Variants in GTF2E2 observed in about 807,000 individuals in gnomAD.
GTF2E2 encodes general transcription factor IIE subunit 2, also known as transcription initiation factor IIE subunit beta.
In GTF2E2, 21 loss-of-function variants were observed where a neutral mutation model predicts 40.5. The ratio of observed to expected loss-of-function variants is 0.52; its 90% CI spans 0.37 to 0.75. The LOEUF is 0.75. Ranked by LOEUF, GTF2E2 falls within the 30% of genes least tolerant of loss-of-function variation. The pLI is 0.00. For missense variants in GTF2E2, 298 were observed against 338.4 expected, an observed-to-expected ratio of 0.88 and a Z score of 0.94; for synonymous variants, 117 against 121.6, an observed-to-expected ratio of 0.96 and a Z score of 0.25.
intron 6 of GTF2E2, chr8:30,584,796 T>G (rs953592786): frequency 6.6e-6 from 1 of 152,210 alleles, no homozygotes; most frequent in Non-Finnish European, 1.5e-5. Flanking sequence ...CAGAGCCAGA[T>G]GGCCTGGCTG....
chr8:30,595,097 C>G (rs762024680), intron 6 of GTF2E2, among the ~76,000 whole-genome samples: 14 of 152,096 alleles, frequency 9.2e-5, no homozygotes, highest in Admixed American at 2.6e-4. Flanking sequence ...TGGCTTATTA[C>G]ATTTTTTTCA....
chr8:30,616,092 T>C lies in GTF2E2; in HGVS notation c.259-1377A>G, dbSNP rs542579690. Among the ~76,000 whole-genome samples the C allele has an allele frequency of 1.0e-3, 158 of 152,308 alleles. 1 individual carries two copies. The South Asian group carries it at 0.021, about 20-fold the overall frequency. On this transcript the variant is annotated intron_variant, in intron 3 of 7. Transcript: ENST00000355904. ...CAATCTGAAAAGGATACATACTGTATGGCTCCAACTGTTGACATTCCGGAA... is the reference window on the plus strand; with the variant it reads ...CAATCTGAAAAGGATACATACTGTACGGCTCCAACTGTTGACATTCCGGAA...
At position 30,640,556 on chromosome 8, in the gene GTF2E2, G is replaced by C. The variant is rs189965170; in HGVS notation, c.167-5433C>G. On this transcript the variant is annotated intron_variant, in intron 2 of 7. Transcript: ENST00000355904. The stretch of plus-strand genomic sequence containing the variant: ...AATCAAATTTTAAGGCATGGGTAGG[G>C]AAGTCCAGAAAAAGATTGTTTTACC... Among the ~76,000 whole-genome samples the C allele has an allele frequency of 3.8e-3, 579 of 152,268 alleles. 2 individuals carry two copies. The highest frequency in any genetic ancestry group is 0.013 in the African/African-American group (532 of 41,550).
intron 6 of GTF2E2, among the ~76,000 whole-genome samples, chr8:30,603,362 C>T (rs768440738): frequency 1.3e-5 from 2 of 151,894 alleles, no homozygotes; most frequent in Admixed American, 1.3e-4. Flanking sequence ...AGAACTGATT[C>T]AAAAGTTAAA....
At chr8:30,648,946 T>C (rs1802188004) in intron 2 of GTF2E2, among the ~76,000 whole-genome samples, 1 of 152,212 alleles carries the variant, frequency 6.6e-6, no homozygotes, top group African/African-American at 2.4e-5. Context: ...TGCTGTCGAA[T>C]GGGACCTGTT....
intron 3 of GTF2E2, among the ~76,000 whole-genome samples, chr8:30,634,471 AG>A (rs1291697802): frequency 6.6e-6 from 1 of 152,170 alleles, no homozygotes; most frequent in African/African-American, 2.4e-5. Context: ...GGAAAAAAAA[AG>A]ATTCAAAGTA....
chr8:30,591,896 GAA>G lies in GTF2E2; in HGVS notation c.644-11502_644-11501del, dbSNP rs1432349285. Among the ~76,000 whole-genome samples the G allele has an allele frequency of 1.1e-4, 17 of 152,046 alleles. No homozygotes were observed. The East Asian group carries it at 3.3e-3, about 29-fold the overall frequency. ...CCCAAATATCCATCAACTGATACAT[GAA>G]AAGTGTATGGCCATACAATAGAATT... On this transcript the variant is annotated intron_variant, in intron 6 of 7. Coordinates refer to ENST00000355904, the MANE Select transcript of GTF2E2 (RefSeq NM_002095.6).
chr8:30,622,722 G>T (rs1455336709), intron 3 of GTF2E2, among the ~76,000 whole-genome samples: 5 of 152,024 alleles, frequency 3.3e-5, no homozygotes, highest in African/African-American at 9.7e-5. Flanking sequence ...CTACCCCCAG[G>T]CACGTATTTG....
chr8:30,620,847 T>C (rs1483802909), intron 3 of GTF2E2, among the ~76,000 whole-genome samples: 1 of 151,556 alleles, frequency 6.6e-6, no homozygotes, highest in Non-Finnish European at 1.5e-5. Context: ...GAGAATCGCT[T>C]GAGCCCAGCA....
chr8:30,619,245 C>G (rs1801013191), intron 3 of GTF2E2, among the ~76,000 whole-genome samples: 1 of 151,980 alleles, frequency 6.6e-6, no homozygotes, highest in Admixed American at 6.6e-5. Context: ...CAGTCTACTT[C>G]AATAGTTTTA....
At chr8:30,638,822 T>C (rs1248384401) in intron 2 of GTF2E2, among the ~76,000 whole-genome samples, 1 of 152,256 alleles carries the variant, frequency 6.6e-6, no homozygotes. Flanking sequence ...CTTGTGCTAT[T>C]TGATAAGCAC....
intron 1 of GTF2E2, among the ~76,000 whole-genome samples, chr8:30,654,613 C>T (rs1353756360): frequency 6.6e-6 from 1 of 152,104 alleles, no homozygotes; most frequent in Non-Finnish European, 1.5e-5. Flanking sequence ...CTATGTTGCC[C>T]AGGCTGGTCT....
At chr8:30,654,903 T>C (rs1438915340) in intron 1 of GTF2E2, among the ~76,000 whole-genome samples, 1 of 152,172 alleles carries the variant, frequency 6.6e-6, no homozygotes, top group Non-Finnish European at 1.5e-5. Flanking sequence ...AACTCTCAAT[T>C]ATTAAGTGAT....
chr8:30,657,664 C>CA (rs1347171050), intron 1 of GTF2E2: 2 of 152,368 alleles, frequency 1.3e-5, no homozygotes, highest in East Asian at 3.9e-4. Flanking sequence ...CGCGGCTGCT[C>CA]AAACTCCACA....
At chr8:30,599,864 TC>T (rs1398361160) in intron 6 of GTF2E2, among the ~76,000 whole-genome samples, 2 of 151,976 alleles carry the variant, frequency 1.3e-5, no homozygotes, top group Non-Finnish European at 2.9e-5. Context: ...CCACCTGCAG[TC>T]CCAGCTACTA....
chr8:30,592,754 A>G (rs1828887335), intron 6 of GTF2E2, among the ~76,000 whole-genome samples: 1 of 152,178 alleles, frequency 6.6e-6, no homozygotes, highest in Admixed American at 6.5e-5. Context: ...TTTTTTCCAA[A>G]TATTTTCAGT....
At chr8:30,587,972 C>T (rs1319181755) in intron 6 of GTF2E2, among the ~76,000 whole-genome samples, 1 of 151,366 alleles carries the variant, frequency 6.6e-6, no homozygotes, top group African/African-American at 2.4e-5. Flanking sequence ...CAATGATTTC[C>T]AACTGGGGCA....
Position 30,647,608 on chromosome 8 carries a change from G to A in GTF2E2, c.166+5825C>T, listed in dbSNP as rs886230030. Among the ~76,000 whole-genome samples, 6 of 151,956 alleles carry A rather than the reference G, an allele frequency of 3.9e-5. No individual in the cohort carries two copies. The South Asian group carries it at 6.2e-4, about 16-fold the overall frequency. On this transcript the variant is annotated intron_variant, in intron 2 of 7. Coordinates refer to ENST00000355904, the MANE Select transcript of GTF2E2 (RefSeq NM_002095.6). Reference sequence around the variant, plus strand: ...AACAAACAAAAGAATCTTAACTGCCGGTCTGAAATAACTCTTCCACAAAGT... The same window carrying A: ...AACAAACAAAAGAATCTTAACTGCCAGTCTGAAATAACTCTTCCACAAAGT...
intron 5 of GTF2E2, among the ~76,000 whole-genome samples, chr8:30,607,771 T>C (rs1456834847): frequency 1.3e-5 from 2 of 152,236 alleles, no homozygotes; most frequent in Non-Finnish European, 2.9e-5. Flanking sequence ...AGACACATAA[T>C]AGAATCTTGG....
Sources: allele counts gnomAD v4.1 joint callset (sites outside exome capture counted in the v4.1 genomes callset), GRCh38; gene constraint gnomAD v4.1.1; transcripts MANE v1.5; gene names NCBI Gene and HGNC (gene_info 2026-07-23, HGNC 2026-07-21).